The following NUMB variants were observed in gnomAD, a reference collection of about 807,000 sequenced individuals.
NUMB encodes protein numb homolog.
Under a neutral mutation model 59.7 loss-of-function variants are expected in NUMB, and 29 were observed. That is an observed-to-expected ratio of 0.49 (90% CI 0.36 to 0.66). NUMB has a LOEUF of 0.66. NUMB is among the 30% of genes least tolerant of loss of function. NUMB has a pLI of 0.00. For missense variants in NUMB, 723 were observed against 822.0 expected (o/e 0.88, Z 1.47); for synonymous variants, 288 against 288.2 (o/e 1.00, Z 0.01).
chr14:73,390,541 C>T (rs1206868086), intron 2 of NUMB, among the ~76,000 whole-genome samples: 1 of 151,410 alleles, frequency 6.6e-6, no homozygotes, highest in African/African-American at 2.4e-5. Context: ...GTTCCCCCCA[C>T]TGTTTCCCAA....
intron 6 of NUMB, among the ~76,000 whole-genome samples, chr14:73,311,717 T>C (rs1890785890): frequency 6.6e-6 from 1 of 152,244 alleles, no homozygotes; most frequent in African/African-American, 2.4e-5. Context: ...CATCAAATCA[T>C]ACATGATTCA....
chr14:73,310,214 A>G (rs763289244), intron 6 of NUMB, among the ~76,000 whole-genome samples: 13 of 152,212 alleles, frequency 8.5e-5, no homozygotes, highest in Non-Finnish European at 1.6e-4. Context: ...AGGGAGTTGC[A>G]GGGATTGTGG....
intron 1 of NUMB, among the ~76,000 whole-genome samples, chr14:73,431,493 TC>T (rs1382721955): frequency 6.7e-6 from 1 of 149,334 alleles, no homozygotes; most frequent in East Asian, 2.2e-4. Context: ...ATGCCTGTAA[TC>T]CCAGCACTTT....
At position 73,440,216 on chromosome 14, in the gene NUMB, CAT is replaced by C. The variant is rs1315867410; in HGVS notation, c.-233+18275_-233+18276del. ...ATATCCATATATATATATGGATATC[CAT>C]ATATATATATGGATATCCATATATA... On this transcript the variant is annotated intron_variant, in intron 1 of 12. Coordinates refer to ENST00000555238, the MANE Select transcript of NUMB (RefSeq NM_001005743.2). Among the ~76,000 whole-genome samples the C allele has an allele frequency of 1.1e-4, 14 of 130,934 alleles. No individual in the cohort carries two copies. In the East Asian group the frequency reaches 2.5e-3, roughly 23 times the overall value. 85.9% of individuals were successfully genotyped at this position (130,934 alleles called of 152,430 possible).
intron 7 of NUMB, among the ~76,000 whole-genome samples, chr14:73,293,175 TAATCCTTTGGATAAAAAAAA>T (rs1401755840): frequency 6.6e-6 from 1 of 152,148 alleles, no homozygotes; most frequent in African/African-American, 2.4e-5. Context: ...TCAGTATCTT[TAATCCTTTGGATAAAAAAAA>T]AATCCTTTGG....
chr14:73,398,044 GA>G (rs1302786968), intron 2 of NUMB, among the ~76,000 whole-genome samples: 1 of 152,080 alleles, frequency 6.6e-6, no homozygotes, highest in Non-Finnish European at 1.5e-5. Context: ...AATCCAAGCG[GA>G]AAATAGCCTA....
chr14:73,447,324 T>C (rs554495246), intron 1 of NUMB, among the ~76,000 whole-genome samples: 3 of 145,866 alleles, frequency 2.1e-5, no homozygotes, highest in East Asian at 2.1e-4. Context: ...CCGTCTCTAC[T>C]AAAAATACAA....
At chr14:73,378,973 G>A (rs1895101309) in intron 2 of NUMB, among the ~76,000 whole-genome samples, 1 of 152,074 alleles carries the variant, frequency 6.6e-6, no homozygotes, top group South Asian at 2.1e-4. Flanking sequence ...AGAAATATGG[G>A]AACTCTCTGT....
At chr14:73,290,152 T>C (rs1889298409) in intron 8 of NUMB, among the ~76,000 whole-genome samples, 1 of 152,208 alleles carries the variant, frequency 6.6e-6, no homozygotes, top group South Asian at 2.1e-4. Flanking sequence ...ATCTGGAAAC[T>C]CTTGAACTCC....
At chr14:73,391,694 A>G (rs1415041580) in intron 2 of NUMB, among the ~76,000 whole-genome samples, 1 of 152,168 alleles carries the variant, frequency 6.6e-6, no homozygotes, top group African/African-American at 2.4e-5. Flanking sequence ...CAGCATTTGC[A>G]TTACTAACAA....
At chr14:73,373,969 A>G (rs1263936294) in intron 2 of NUMB, among the ~76,000 whole-genome samples, 3 of 151,970 alleles carry the variant, frequency 2.0e-5, no homozygotes, top group Non-Finnish European at 4.4e-5. Context: ...CCCGGGTTCA[A>G]GCGATTCTCC....
chr14:73,284,355 G>T lies in NUMB; in HGVS notation c.675C>A (p.Val225=). 6.2e-7 allele frequency: 1 copy of T among 1,613,548 alleles called. No individual in the cohort carries two copies. Among genetic ancestry groups the T allele is most frequent in the South Asian group, 1.1e-5 (1 of 91,030 alleles). The stretch of plus-strand genomic sequence containing the variant: ...TGCCAGGGGCAACTGATGAACCAAC[G>T]ACTATCTTATCTGTTTCAGCTCAAG... ...DAKKAETDKI[V]VGSSVAPGNT... The change falls in exon 10 of 13, where the codon GTC becomes GTA. Residue 225 remains valine (V), a synonymous_variant. Coordinates refer to ENST00000555238, the MANE Select transcript of NUMB (RefSeq NM_001005743.2).
At chr14:73,296,649 T>C (rs184425222) in intron 7 of NUMB, among the ~76,000 whole-genome samples, 2 of 152,276 alleles carry the variant, frequency 1.3e-5, no homozygotes, top group African/African-American at 4.8e-5. Flanking sequence ...AACAATATAA[T>C]ACCCTTCAAC....
chr14:73,418,246 T>C (rs1897211873), intron 1 of NUMB, among the ~76,000 whole-genome samples: 1 of 152,110 alleles, frequency 6.6e-6, no homozygotes. Flanking sequence ...AAACAAATAT[T>C]GTATGATTCC....
intron 1 of NUMB, among the ~76,000 whole-genome samples, chr14:73,422,789 A>T (rs1897409338): frequency 6.6e-6 from 1 of 152,086 alleles, no homozygotes; most frequent in South Asian, 2.1e-4. Context: ...TTCATGAGGG[A>T]TCTGCTCCCA....
At chr14:73,392,100 A>G (rs1660209603) in intron 2 of NUMB, among the ~76,000 whole-genome samples, 1 of 152,188 alleles carries the variant, frequency 6.6e-6, no homozygotes, top group Admixed American at 6.6e-5. Context: ...CAACTATACA[A>G]CCAATGTGAA....
rs1889192458 is a variant in NUMB, at chr14:73,288,810, G to C, written c.451-1496C>G. ...GGAGGTGGAGGTTGCAGTAAGCCAC[G>C]ATCGTGCCATTGCACTCCAGCCTGG... On this transcript the variant is annotated intron_variant, in intron 8 of 12. Transcript: ENST00000555238. 2.0e-5 allele frequency among the ~76,000 whole-genome samples: 3 copies of C among 151,798 alleles called. No homozygotes were observed. In the South Asian group the frequency reaches 6.2e-4, roughly 31 times the overall value.
At chr14:73,386,855 A>T (rs1208483439) in intron 2 of NUMB, among the ~76,000 whole-genome samples, 1 of 139,774 alleles carries the variant, frequency 7.2e-6, no homozygotes, top group South Asian at 2.3e-4. Context: ...AAGACAATCT[A>T]TCAGGTGTCT....
intron 4 of NUMB, among the ~76,000 whole-genome samples, chr14:73,350,406 CAAATGAT>C (rs1893180361): frequency 6.6e-6 from 1 of 151,716 alleles, no homozygotes; most frequent in African/African-American, 2.4e-5. Flanking sequence ...CTCCTTACCT[CAAATGAT>C]CCACCTGCCT....
Sources: gnomAD v4.1 joint callset for allele counts (sites outside exome capture counted in the v4.1 genomes callset) on GRCh38, gnomAD v4.1.1 for gene constraint, MANE v1.5 for transcripts, NCBI Gene and HGNC (gene_info 2026-07-23, HGNC 2026-07-21) for gene names.